CARNMT1: variants seen among roughly 807,000 people sequenced by gnomAD.
The protein encoded by CARNMT1 is carnosine N-methyltransferase 1.
In CARNMT1, 28 loss-of-function variants were observed where a neutral mutation model predicts 49.6. That is an observed-to-expected ratio of 0.56 (90% CI 0.42 to 0.77). The LOEUF (loss-of-function observed/expected upper bound fraction) is 0.77, where lower values mean the gene tolerates loss of function less well. Among genes scored for constraint, CARNMT1 ranks in the 30% least tolerant of loss-of-function variants. The pLI is 0.00. For missense variants in CARNMT1, 421 were observed against 512.6 expected (o/e 0.82, Z 1.73); for synonymous variants, 178 against 175.0 (o/e 1.02, Z -0.13).
intron 2 of CARNMT1, 63 bp downstream of exon 2, chr9:75,017,188 TAA>T (rs1182377546): frequency 7.9e-7 from 1 of 1,264,628 alleles, no homozygotes; most frequent in Non-Finnish European, 1.1e-6. Flanking sequence ...ATCCAGAAAA[TAA>T]AAGACCTCAA....
rs866390891 is a variant in CARNMT1, at chr9:75,028,013, C to A, written c.229G>T (p.Gly77Cys). 1.3e-6 allele frequency: 2 copies of A among 1,567,462 alleles called. No homozygotes were observed. The highest frequency in any genetic ancestry group is 2.6e-5 in the East Asian group (1 of 38,698). The change falls in exon 1 of 8, where the codon GGC becomes TGC. Residue 77 changes from glycine to cysteine, a missense_variant and splice_region_variant. Physicochemically the swap from Gly to Cys is radical, Grantham distance 159 (BLOSUM62 -3). This residue lies in a region of CARNMT1 where 186 missense variants were observed against 167.9 expected (regional missense o/e 1.11). Coordinates refer to ENST00000376834, the MANE Select transcript of CARNMT1 (RefSeq NM_152420.3). ...WKIINAFRYY[G>C]TSMHERVNRT... The stretch of plus-strand genomic sequence containing the variant: ...CGGGGTCCGCCACGGGCTCCTTACC[C>A]GTAGTAGCGGAAGGCATTAATGATC...
At position 75,028,250 on chromosome 9, in the gene CARNMT1, C is replaced by G. The variant is rs1587320962; in HGVS notation, c.-9G>C. On this transcript the variant is annotated 5_prime_UTR_variant, in exon 1 of 8. Coordinates refer to ENST00000376834, the MANE Select transcript of CARNMT1 (RefSeq NM_152420.3). The stretch of plus-strand genomic sequence containing the variant: ...CGACGCCGTCGCTGCATCGCCGCCG[C>G]GGCCCTCGGCCTGGCTCGCTTGCGT... 1 of 1,369,396 alleles carries G rather than the reference C, an allele frequency of 7.3e-7. No homozygotes were observed. The highest frequency in any genetic ancestry group is 3.1e-5 in the East Asian group (1 of 32,284). 84.8% of individuals were successfully genotyped at this position (1,369,396 alleles called of 1,614,324 possible).
intron 3 of CARNMT1, among the ~76,000 whole-genome samples, chr9:75,006,907 CT>C (rs1833527536): frequency 1.3e-5 from 2 of 152,044 alleles, no homozygotes; most frequent in Admixed American, 1.3e-4. Context: ...AATGCCATGC[CT>C]TTTTAGTATT....
intron 6 of CARNMT1, among the ~76,000 whole-genome samples, chr9:74,993,461 A>G (rs1454420529): frequency 1.3e-5 from 2 of 152,202 alleles, no homozygotes; most frequent in African/African-American, 2.4e-5. Context: ...GGAGTCTTAC[A>G]GGAACAGATT....
intron 6 of CARNMT1, among the ~76,000 whole-genome samples, chr9:74,986,991 C>G (rs1260894924): frequency 6.6e-6 from 1 of 152,140 alleles, no homozygotes; most frequent in Non-Finnish European, 1.5e-5. Flanking sequence ...TATTTTTAGT[C>G]TTCTAATACA....
upstream of CARNMT1, chr9:75,028,314 T>G (rs1822593611): frequency 5.3e-6 from 7 of 1,326,740 alleles, no homozygotes; most frequent in Non-Finnish European, 6.7e-6. Flanking sequence ...CTGCTTGGCC[T>G]TCCTCTAGAC....
chr9:75,017,079 G>T (rs182860867), intron 2 of CARNMT1, 174 bp downstream of exon 2: 39 of 574,550 alleles, frequency 6.8e-5, no homozygotes, highest in African/African-American at 6.6e-4. Context: ...CAAGTGAACA[G>T]ATCCAGTCTC....
intron 3 of CARNMT1, among the ~76,000 whole-genome samples, chr9:75,001,539 T>C (rs1212268777): frequency 6.6e-6 from 1 of 152,150 alleles, no homozygotes; most frequent in Admixed American, 6.5e-5. Flanking sequence ...CAGACACTAA[T>C]ATAGATGTAA....
chr9:75,026,893 A>G (rs939230270), intron 1 of CARNMT1, among the ~76,000 whole-genome samples: 2 of 152,254 alleles, frequency 1.3e-5, no homozygotes, highest in African/African-American at 4.8e-5. Context: ...ACATATGCCA[A>G]GCACTAGTGA....
At chr9:75,000,932 T>C (rs1413216671) in intron 3 of CARNMT1, among the ~76,000 whole-genome samples, 1 of 152,156 alleles carries the variant, frequency 6.6e-6, no homozygotes, top group East Asian at 1.9e-4. Context: ...TAGGACTCTG[T>C]GCTATTCCTT....
At chr9:74,997,527 T>C (rs2118785777) in intron 5 of CARNMT1, among the ~76,000 whole-genome samples, 1 of 152,200 alleles carries the variant, frequency 6.6e-6, no homozygotes, top group South Asian at 2.1e-4. Context: ...ACTGTACCCA[T>C]TGCTTACTAC....
intron 3 of CARNMT1, among the ~76,000 whole-genome samples, chr9:75,001,528 A>G (rs1276090036): frequency 6.6e-6 from 1 of 152,246 alleles, no homozygotes; most frequent in Non-Finnish European, 1.5e-5. Flanking sequence ...TTAAGAGTTA[A>G]CAGACACTAA....
intron 3 of CARNMT1, among the ~76,000 whole-genome samples, chr9:75,013,446 A>G (rs752875412): frequency 1.3e-5 from 2 of 152,234 alleles, no homozygotes; most frequent in Non-Finnish European, 2.9e-5. Flanking sequence ...ACATATGCAT[A>G]AAGTTATTAA....
At chr9:75,003,345 G>A (rs539412085) in intron 3 of CARNMT1, among the ~76,000 whole-genome samples, 5 of 152,274 alleles carry the variant, frequency 3.3e-5, no homozygotes, top group South Asian at 2.1e-4. Context: ...TTCACTTCGC[G>A]TCATTCACTT....
In CARNMT1 at chr9:74,993,770, C is replaced by T. The variant is rs564035288; in HGVS notation, c.1024+2677G>A. On this transcript the variant is annotated intron_variant, in intron 6 of 7. Coordinates refer to ENST00000376834, the MANE Select transcript of CARNMT1 (RefSeq NM_152420.3). ...CATCCTACACTATACAGGTCAGACC[C>T]CCACTTCCCTCACCACTCCCACTGA... Among the ~76,000 whole-genome samples the T allele has an allele frequency of 2.0e-4, 31 of 152,204 alleles. 2 individuals carry two copies. In the Middle Eastern group the frequency reaches 0.014, roughly 67 times the overall value.
intron 3 of CARNMT1, among the ~76,000 whole-genome samples, chr9:75,005,709 G>A (rs537456606): frequency 3.3e-5 from 5 of 151,926 alleles, no homozygotes; most frequent in Non-Finnish European, 5.9e-5. Context: ...TCCTGATCTC[G>A]TGATCCACCC....
At chr9:75,016,727 A>G (rs1833868900) in intron 2 of CARNMT1, 1 of 306,336 alleles carries the variant, frequency 3.3e-6, no homozygotes, top group Non-Finnish European at 6.0e-6. Context: ...CCTCTCTAAG[A>G]GAGGGAAGAA....
chr9:75,028,139 C>G lies in CARNMT1; in HGVS notation c.103G>C (p.Gly35Arg). The G allele has an allele frequency of 6.5e-7, 1 of 1,548,118 alleles. No homozygotes were observed. The highest frequency in any genetic ancestry group is 1.9e-5 in the Admixed American group (1 of 52,376). The change falls in exon 1 of 8, where the codon GGG (glycine) becomes CGG (arginine). Residue 35 changes from glycine to arginine, a missense_variant. Gly to Arg is a moderately radical substitution (Grantham distance 125). Transcript: ENST00000376834. ...SEEVEVQFSA[G>R]RWGSAAAVSA... ...ACCGCCGCGGCCGAGCCCCAACGCC[C>G]GGCGGAAAACTGCACTTCCACCTCC...
chr9:74,990,672 AG>A (rs754836858), intron 6 of CARNMT1, among the ~76,000 whole-genome samples: 6 of 152,246 alleles, frequency 3.9e-5, no homozygotes, highest in African/African-American at 9.6e-5. Context: ...CCCCATTAAA[AG>A]GAACTAGGAA....
Sources: allele counts gnomAD v4.1 joint callset (sites outside exome capture counted in the v4.1 genomes callset), GRCh38; gene constraint gnomAD v4.1.1; regional missense constraint gnomAD v4.1.1; transcripts MANE v1.5; gene names NCBI Gene and HGNC (gene_info 2026-07-23, HGNC 2026-07-21).